Variants in CENPK observed in about 807,000 individuals in gnomAD.
CENPK encodes the protein centromere protein K, also known as SoxLZ/Sox6-binding protein Solt.
A neutral mutation model predicts 40.9 loss-of-function variants in CENPK; 46 were observed. The ratio of observed to expected loss-of-function variants is 1.13; its 90% confidence interval spans 0.89 to 1.44. The LOEUF (loss-of-function observed/expected upper bound fraction) is 1.44, where lower values mean the gene tolerates loss of function less well. CENPK is among the 40% of genes most tolerant of loss of function. The pLI, the probability that CENPK is intolerant of heterozygous loss-of-function variation, is 0.00. For synonymous variants in CENPK, 107 were observed against 104.4 expected (o/e 1.02, Z -0.15); for missense variants, 288 against 303.5 (o/e 0.95, Z 0.38).
chr5:65,561,802 T>G (rs1046171477), intron 1 of CENPK, among the ~76,000 whole-genome samples: 1 of 152,194 alleles, frequency 6.6e-6, no homozygotes. Context: ...TACTATTAAT[T>G]GGGAAAAGAT....
At chr5:65,555,995 T>G (rs1355743104) in intron 2 of CENPK, among the ~76,000 whole-genome samples, 1 of 152,170 alleles carries the variant, frequency 6.6e-6, no homozygotes, top group Non-Finnish European at 1.5e-5. Flanking sequence ...ATAATGACAT[T>G]TTGGTCAATC....
chr5:65,496,578 T>C, the CENPK span, among the ~76,000 whole-genome samples: 6 of 152,052 alleles, frequency 3.9e-5, no homozygotes, highest in African/African-American at 1.2e-4. Flanking sequence ...GTAAACACTT[T>C]ACTTCATAAA....
intron 5 of CENPK, among the ~76,000 whole-genome samples, chr5:65,544,250 C>T (rs1033633785): frequency 1.3e-5 from 2 of 152,194 alleles, no homozygotes; most frequent in African/African-American, 4.8e-5. Context: ...CCTTCAACCT[C>T]TATAAGAAGC....
intron 9 of CENPK, among the ~76,000 whole-genome samples, chr5:65,526,343 C>G (rs981430534): frequency 6.6e-6 from 1 of 151,960 alleles, no homozygotes; most frequent in Non-Finnish European, 1.5e-5. Context: ...CATACTTTTA[C>G]AAATAAATAA....
chr5:65,521,116 G>T (rs186111451), intron 10 of CENPK, among the ~76,000 whole-genome samples: 1 of 151,930 alleles, frequency 6.6e-6, no homozygotes, highest in East Asian at 1.9e-4. Flanking sequence ...CAATTAAACA[G>T]TCAATGTAAC....
At chr5:65,521,837 G>T (rs1743829685) in intron 9 of CENPK, among the ~76,000 whole-genome samples, 1 of 152,130 alleles carries the variant, frequency 6.6e-6, no homozygotes, top group Admixed American at 6.5e-5. Flanking sequence ...CTGACCCTCA[G>T]GTGATCTGCC....
At chr5:65,537,748 C>T (rs991201736) in intron 6 of CENPK, among the ~76,000 whole-genome samples, 50 of 152,106 alleles carry the variant, frequency 3.3e-4, no homozygotes, top group African/African-American at 1.1e-3. Context: ...TGTATCTCCA[C>T]TTCATTTCTT....
At chr5:65,512,702 AT>A in the CENPK span, among the ~76,000 whole-genome samples, 1 of 152,284 alleles carries the variant, frequency 6.6e-6, no homozygotes, top group South Asian at 2.1e-4. Flanking sequence ...CACTTGTAGT[AT>A]TTGTTTTATT....
At chr5:65,536,830 T>C (rs949597658) in intron 6 of CENPK, among the ~76,000 whole-genome samples, 2 of 152,204 alleles carry the variant, frequency 1.3e-5, no homozygotes, top group African/African-American at 4.8e-5. Flanking sequence ...CCTGACCCAT[T>C]ATTTACATTT....
downstream of CENPK, among the ~76,000 whole-genome samples, chr5:65,516,048 AC>A (rs1487449774): frequency 5.9e-5 from 9 of 152,328 alleles, no homozygotes; most frequent in African/African-American, 2.2e-4. Flanking sequence ...AAGGGCACTA[AC>A]CTTATGTTAG....
chr5:65,557,038 AGAAAAG>A (rs1751101930), intron 2 of CENPK, among the ~76,000 whole-genome samples: 1 of 152,226 alleles, frequency 6.6e-6, no homozygotes, highest in Admixed American at 6.5e-5. Context: ...AGGTGAAATA[AGAAAAG>A]GAAGAGTGTG....
the CENPK span, among the ~76,000 whole-genome samples, chr5:65,501,936 G>A: frequency 4.6e-5 from 7 of 152,150 alleles, no homozygotes; most frequent in Admixed American, 2.0e-4. Flanking sequence ...CTAATGAACA[G>A]GGTTGCCTCT....
intron 2 of CENPK, among the ~76,000 whole-genome samples, chr5:65,559,638 A>C (rs896399997): frequency 3.3e-5 from 5 of 151,846 alleles, no homozygotes; most frequent in African/African-American, 1.2e-4. Flanking sequence ...CAGAAAAAAA[A>C]AAAAAAAAAA....
At chr5:65,495,670 C>A in the CENPK span, among the ~76,000 whole-genome samples, 1 of 152,174 alleles carries the variant, frequency 6.6e-6, no homozygotes, top group East Asian at 1.9e-4. Flanking sequence ...TATAAAATTA[C>A]ATACACAGTT....
rs367565727 is a variant in CENPK, at chr5:65,524,848, A to C, written c.598-3320T>G. On this transcript the variant is annotated intron_variant, in intron 9 of 10. Transcript: ENST00000396679. ...TAGAAATAAGGGTATAGGAAAAAGA[A>C]TGTTAATTTTCTTATCTTTTACAGC... Among the ~76,000 whole-genome samples the C allele has an allele frequency of 4.4e-4, 67 of 152,324 alleles. 2 individuals carry two copies. The East Asian group carries it at 0.012, about 27-fold the overall frequency.
At chr5:65,545,549 G>A (rs1748781242) in intron 5 of CENPK, among the ~76,000 whole-genome samples, 1 of 152,072 alleles carries the variant, frequency 6.6e-6, no homozygotes, top group Non-Finnish European at 1.5e-5. Flanking sequence ...GAAATTCTCA[G>A]ATAAAGAAAA....
At chr5:65,556,255 T>G (rs1300683707) in intron 2 of CENPK, among the ~76,000 whole-genome samples, 2 of 152,194 alleles carry the variant, frequency 1.3e-5, no homozygotes, top group Non-Finnish European at 2.9e-5. Context: ...GTAGGATCAC[T>G]TGAGTTCAGG....
intron 5 of CENPK, among the ~76,000 whole-genome samples, chr5:65,544,404 G>T (rs1243445464): frequency 6.6e-6 from 1 of 152,164 alleles, no homozygotes; most frequent in Non-Finnish European, 1.5e-5. Flanking sequence ...TAACAAGGAT[G>T]TTGAGAAACT....
chr5:65,527,142 C>T (rs1326903374), intron 9 of CENPK, among the ~76,000 whole-genome samples: 1 of 151,756 alleles, frequency 6.6e-6, no homozygotes, highest in Non-Finnish European at 1.5e-5. Flanking sequence ...AATAAAAGAA[C>T]ACCTAAATTT....
Sources: gnomAD v4.1 joint callset for allele counts (sites outside exome capture counted in the v4.1 genomes callset) on GRCh38, gnomAD v4.1.1 for gene constraint, MANE v1.5 for transcripts, NCBI Gene and HGNC (gene_info 2026-07-23, HGNC 2026-07-21) for gene names.